C2: variants seen among roughly 807,000 people sequenced by gnomAD.
C2 encodes the protein C3/C5 convertase.
A neutral mutation model predicts 85.2 loss-of-function variants in C2; 64 were observed. The ratio of observed to expected loss-of-function variants is 0.75; its 90% CI spans 0.61 to 0.92. The LOEUF is 0.92. C2 is among the 40% of genes least tolerant of loss of function. C2 has a pLI of 0.00. For synonymous variants in C2, 311 were observed against 370.8 expected, an observed-to-expected ratio of 0.84 and a Z score of 1.85; for missense variants, 820 against 971.6, an observed-to-expected ratio of 0.84 and a Z score of 2.07.
In C2 at chr6:31,929,446, T is replaced by C. The variant is rs9332707; in HGVS notation, c.442+529T>C. 9.4e-3 allele frequency among the ~76,000 whole-genome samples: 1,425 copies of C among 152,112 alleles called. 8 individuals carry two copies. The highest frequency in any genetic ancestry group is 0.012 in the Non-Finnish European group (791 of 67,980). On this transcript the variant is annotated intron_variant, in intron 3 of 17. Coordinates refer to ENST00000299367, the MANE Select transcript of C2 (RefSeq NM_000063.6). ...GTAAGCATATACAACAGCCCTGGAG[T>C]GCGGTGGCTCACGCCTGTAATCCCA...
intron 9 of C2, among the ~76,000 whole-genome samples, chr6:31,940,517 C>CAG (rs1770797397): frequency 1.3e-5 from 2 of 152,226 alleles, no homozygotes; most frequent in African/African-American, 4.8e-5. Flanking sequence ...AAAGTAATTT[C>CAG]AGAGAGAGAG....
At chr6:31,925,242 G>A (rs529769362), upstream of C2, among the ~76,000 whole-genome samples, 7 of 152,168 alleles carry the variant, frequency 4.6e-5, no homozygotes, top group South Asian at 1.5e-3. Context: ...AATAACAAAG[G>A]TTTATTTTTT....
rs1028254425 is a variant in C2 at position 31,937,436 on chromosome 6, A to G, written c.1106A>G (p.His369Arg). 5 of 1,612,790 alleles carry G rather than the reference A, an allele frequency of 3.1e-6. No homozygotes were observed. In the South Asian group the frequency reaches 4.4e-5, roughly 14 times the overall value. ...ACGATGGCCTGGCAGGAAATCCGACATGCCATCATCCTTCTGACAGATGGT... is the reference window on the plus strand; with the variant it reads ...ACGATGGCCTGGCAGGAAATCCGACGTGCCATCATCCTTCTGACAGATGGT... ...METMAWQEIR[H>R]AIILLTDGKS... is the part of the protein sequence containing the mutation. Residue 369 changes from histidine (H) to arginine (R), a missense_variant, in exon 8 of 18, where the codon CAT becomes CGT. Coordinates refer to ENST00000299367, the MANE Select transcript of C2 (RefSeq NM_000063.6).
rs148139431 is a variant in C2 at position 31,913,219 on chromosome 6, T to C, written c.73+12080T>C. ...CCTCAGCCTCCTGGGTATCTGGGACTACAAGCATGCCACCATGCCTGACTG... is the reference window on the plus strand; with the variant it reads ...CCTCAGCCTCCTGGGTATCTGGGACCACAAGCATGCCACCATGCCTGACTG... On this transcript the variant is annotated intron_variant, in intron 1 of 3. Transcript: ENST00000452202. 1.1e-3 allele frequency among the ~76,000 whole-genome samples: 163 copies of C among 152,212 alleles called. 1 individual carries two copies. The highest frequency in any genetic ancestry group is 7.5e-3 in the Admixed American group (114 of 15,276).
chr6:31,915,320 G>T (rs1350007516), upstream of C2, among the ~76,000 whole-genome samples: 1 of 152,148 alleles, frequency 6.6e-6, no homozygotes, highest in Non-Finnish European at 1.5e-5. Context: ...TCCTGAACTT[G>T]CAGTTCCTTT....
rs536844178 is a variant in C2, at chr6:31,920,476, C to T, written c.-100+450C>T. On this transcript the variant is annotated intron_variant, in intron 1 of 3. Transcript: ENST00000413154. The surrounding 1 kb of genome is among the most constrained non-coding windows in gnomAD (Gnocchi z 5.6). The stretch of plus-strand genomic sequence containing the variant: ...GAGCTGGGGTTGGGGTGGTGAGGAC[C>T]GGAGCCAGGGCAATTCAGCCATAGG... 3.9e-5 allele frequency among the ~76,000 whole-genome samples: 6 copies of T among 152,236 alleles called. No individual in the cohort carries two copies. Among genetic ancestry groups the T allele is most frequent in the East Asian group, 3.9e-4 (2 of 5,176 alleles).
chr6:31,924,161 G>C (rs963097984), upstream of C2, among the ~76,000 whole-genome samples: 1 of 152,136 alleles, frequency 6.6e-6, no homozygotes, highest in African/African-American at 2.4e-5. Context: ...TGTATTTTAG[G>C]GTCTCTTTAT....
chr6:31,913,703 G>A (rs892199064), intron 1 of C2, among the ~76,000 whole-genome samples: 4 of 152,006 alleles, frequency 2.6e-5, no homozygotes, highest in Non-Finnish European at 5.9e-5. Flanking sequence ...CTGGAGTGTA[G>A]TGGCGTGATC....
chr6:31,907,836 T>G (rs887308455), intron 1 of C2, among the ~76,000 whole-genome samples: 14 of 133,262 alleles, frequency 1.1e-4, no homozygotes, highest in African/African-American at 1.4e-4. Flanking sequence ...CGCTACCACT[T>G]CTGGCTTTTT....
chr6:31,934,430 C>A, intron 6 of C2, 131 bp downstream of exon 6: 1 of 1,308,430 alleles, frequency 7.6e-7, no homozygotes, highest in Non-Finnish European at 1.1e-6. Context: ...TATACTCATG[C>A]CATGTAGGAA....
At chr6:31,923,619 G>A (rs1769101077), upstream of C2, among the ~76,000 whole-genome samples, 1 of 151,638 alleles carries the variant, frequency 6.6e-6, no homozygotes, top group Non-Finnish European at 1.5e-5. Context: ...GAGTAGCTGG[G>A]ACTACAGGCG....
intron 8 of C2, among the ~76,000 whole-genome samples, chr6:31,939,013 G>A (rs531352698): frequency 2.6e-5 from 4 of 152,308 alleles, no homozygotes; most frequent in African/African-American, 9.6e-5. Context: ...TGCCCAGGCT[G>A]GTCTGGAACT....
chr6:31,899,730 G>T, upstream of C2: 2 of 605,088 alleles, frequency 3.3e-6, no homozygotes, highest in Non-Finnish European at 5.6e-6. Context: ...CCTTTTCCCA[G>T]CTCCAGATTC....
chr6:31,945,453 C>G lies in C2; in HGVS notation c.*96C>G, dbSNP rs563758096. Reference sequence around the variant, plus strand: ...ACCCTTAGACCCTGTGATCCATCCTCTCTCCTAGCTGAGTAAATCCGGGTC... The same window carrying G: ...ACCCTTAGACCCTGTGATCCATCCTGTCTCCTAGCTGAGTAAATCCGGGTC... On this transcript the variant is annotated 3_prime_UTR_variant, in exon 18 of 18. Coordinates refer to ENST00000299367, the MANE Select transcript of C2 (RefSeq NM_000063.6). The surrounding 1 kb of genome is among the most constrained non-coding windows in gnomAD (Gnocchi z 5.3). The G allele has an allele frequency of 1.7e-6, 2 of 1,183,344 alleles. No individual in the cohort carries two copies. Among genetic ancestry groups the G allele is most frequent in the Non-Finnish European group, 2.5e-6 (2 of 801,530 alleles). The allele number at this position is 1,183,344 out of a possible 1,614,324, so 73.3% of individuals were successfully genotyped here. A position where few individuals can be genotyped will look rare whatever the true frequency, so the allele number is the denominator to read the frequency against.
At chr6:31,917,761 C>T (rs1768650301), upstream of C2, among the ~76,000 whole-genome samples, 1 of 151,602 alleles carries the variant, frequency 6.6e-6, no homozygotes, top group African/African-American at 2.4e-5. Context: ...CAAAAATTAG[C>T]TGGGCGTGGT....
In C2 at chr6:31,945,431, C is replaced by T. The variant is rs1326609143; in HGVS notation, c.*74C>T. ...CATCTTCTACCTCTGAATGGCCACC[C>T]TTAGACCCTGTGATCCATCCTCTCT... On this transcript the variant is annotated 3_prime_UTR_variant, in exon 18 of 18. Transcript: ENST00000299367. The surrounding 1 kb of genome is among the most constrained non-coding windows in gnomAD (Gnocchi z 5.3). 7 of 1,369,776 alleles carry T rather than the reference C, an allele frequency of 5.1e-6. No homozygotes were observed. The highest frequency in any genetic ancestry group is 7.3e-6 in the Non-Finnish European group (7 of 965,364). The allele number at this position is 1,369,776 out of a possible 1,614,324, so 84.9% of individuals were successfully genotyped here.
intron 1 of C2, chr6:31,901,298 G>A (rs760139294): frequency 6.2e-7 from 1 of 1,608,752 alleles, no homozygotes; most frequent in Admixed American, 1.7e-5. Context: ...TTCCACCCCA[G>A]AGGCCATTGT....
chr6:31,907,375 A>G (rs1767776827), intron 1 of C2, among the ~76,000 whole-genome samples: 1 of 151,490 alleles, frequency 6.6e-6, no homozygotes, highest in Admixed American at 6.6e-5. Flanking sequence ...CCAAGGGAAG[A>G]GGATCACTTG....
At chr6:31,925,285 A>T (rs1041408070), upstream of C2, among the ~76,000 whole-genome samples, 6 of 151,870 alleles carry the variant, frequency 4.0e-5, no homozygotes, top group African/African-American at 1.5e-4. Context: ...GAGTCAGCCG[A>T]GTATTGCGCT....
Sources: gnomAD v4.1 joint callset for allele counts (sites outside exome capture counted in the v4.1 genomes callset) on GRCh38, gnomAD v4.1.1 for gene constraint, Gnocchi (gnomAD v3.1) non-coding constraint, MANE v1.5 for transcripts, NCBI Gene and HGNC (gene_info 2026-07-23, HGNC 2026-07-21) for gene names.